The following ZDHHC15 variants were observed in gnomAD, a reference collection of about 807,000 sequenced individuals.
The protein encoded by ZDHHC15 is zDHHC palmitoyltransferase 15.
Under a neutral mutation model 31.7 loss-of-function variants are expected in ZDHHC15, and 19 were observed. The ratio of observed to expected loss-of-function variants is 0.60; its 90% CI spans 0.42 to 0.88. The LOEUF is 0.88. Ranked by LOEUF, ZDHHC15 falls within the 40% of genes least tolerant of loss-of-function variation. The pLI, the probability that ZDHHC15 is intolerant of heterozygous loss-of-function variation, is 0.00. For missense variants in ZDHHC15, 209 were observed against 251.2 expected, an observed-to-expected ratio of 0.83 and a Z score of 1.14; for synonymous variants, 103 against 90.0, an observed-to-expected ratio of 1.14 and a Z score of -0.82.
chrX:75,521,512 G>A (rs764956374), intron 1 of ZDHHC15, among the ~76,000 whole-genome samples: 2 of 110,902 alleles, frequency 1.8e-5, no homozygotes, highest in Non-Finnish European at 3.8e-5. Context: ...GAGAGACTTG[G>A]GGTTTGTGTC....
intron 11 of ZDHHC15, among the ~76,000 whole-genome samples, chrX:75,377,593 T>C (rs980420208): frequency 2.7e-5 from 3 of 111,102 alleles, no homozygotes; most frequent in African/African-American, 9.8e-5. Flanking sequence ...GTAAAAGGCA[T>C]AAGGCATTGC....
chrX:75,501,294 C>A (rs2085082946), intron 2 of ZDHHC15, among the ~76,000 whole-genome samples: 1 of 111,315 alleles, frequency 9.0e-6, no homozygotes, highest in Non-Finnish European at 1.9e-5. Context: ...TCATTCTTTT[C>A]TATAGCTGCA....
intron 10 of ZDHHC15, among the ~76,000 whole-genome samples, chrX:75,381,885 C>T (rs1017852599): frequency 9.0e-6 from 1 of 111,392 alleles, no homozygotes; most frequent in Non-Finnish European, 1.9e-5. Flanking sequence ...AATGCTAATT[C>T]CTTCTTCCTC....
intron 1 of ZDHHC15, among the ~76,000 whole-genome samples, chrX:75,508,483 T>C (rs2148053500): frequency 9.1e-6 from 1 of 109,394 alleles, no homozygotes; most frequent in Admixed American, 9.8e-5. Flanking sequence ...GAACTCATCC[T>C]TTTTTATGGC....
rs1189440779 is a variant in ZDHHC15, at chrX:75,437,095, A to G, written c.380-5575T>C. On this transcript the variant is annotated intron_variant, in intron 4 of 11. Coordinates refer to ENST00000373367, the MANE Select transcript of ZDHHC15 (RefSeq NM_144969.3). Reference sequence around the variant, plus strand: ...ATGGGGTTTCACCGTGTTAGCCAGGATGGTCTTGATCGCCTTACCTCGTGA... The same window carrying G: ...ATGGGGTTTCACCGTGTTAGCCAGGGTGGTCTTGATCGCCTTACCTCGTGA... Among the ~76,000 whole-genome samples, 3 of 109,909 alleles carry G rather than the reference A, an allele frequency of 2.7e-5. No individual in the cohort carries two copies. In the Admixed American group the frequency reaches 2.9e-4, roughly 11 times the overall value.
Position 75,462,806 on chromosome X carries a change from C to A in ZDHHC15, c.259-11884G>T, listed in dbSNP as rs187237572. ...GGAAATTTATAGCACTAAATCCCCACACCAAAAAGCTAGAAAGATCTCAAA... is the reference window on the plus strand; with the variant it reads ...GGAAATTTATAGCACTAAATCCCCAAACCAAAAAGCTAGAAAGATCTCAAA... On this transcript the variant is annotated intron_variant, in intron 3 of 11. Transcript: ENST00000373367. Among the ~76,000 whole-genome samples the A allele has an allele frequency of 2.7e-5, 3 of 111,137 alleles. No individual in the cohort carries two copies. The Admixed American group carries it at 2.9e-4, about 11-fold the overall frequency.
chrX:75,441,394 G>T (rs1029234096), intron 4 of ZDHHC15, among the ~76,000 whole-genome samples: 28 of 110,729 alleles, frequency 2.5e-4, no homozygotes, highest in African/African-American at 8.5e-4. Context: ...TATTTCTCTC[G>T]GCTCTCCAAA....
chrX:75,423,096 T>C (rs1165732268), intron 8 of ZDHHC15, among the ~76,000 whole-genome samples: 1 of 107,491 alleles, frequency 9.3e-6, no homozygotes, highest in Admixed American at 1.0e-4. Context: ...TACCGCAGCC[T>C]TAAACTCCTG....
intron 5 of ZDHHC15, 151 bp from the exon 6 acceptor site, chrX:75,430,131 C>T (rs1401674462): frequency 1.8e-6 from 1 of 552,278 alleles, no homozygotes; most frequent in Non-Finnish European, 2.8e-6. Flanking sequence ...AAACTGTGGC[C>T]CTCAGTTATT....
chrX:75,431,522 T>A lies in ZDHHC15; in HGVS notation c.380-2A>T, dbSNP rs1393337392. 1 of 1,200,822 alleles carries A rather than the reference T, an allele frequency of 8.3e-7. No individual in the cohort carries two copies. Among genetic ancestry groups the A allele is most frequent in the Non-Finnish European group, 1.1e-6 (1 of 890,629 alleles). On this transcript the variant is annotated splice_acceptor_variant, in intron 4 of 11. Coordinates refer to ENST00000373367, the MANE Select transcript of ZDHHC15 (RefSeq NM_144969.3). LOFTEE classifies it high-confidence loss of function. ...GACACCGGTCACAGAATCGTACAGC[T>A]ATAAAAAAAAAAATAAGGTGGTTAG...
intron 3 of ZDHHC15, among the ~76,000 whole-genome samples, chrX:75,466,886 C>T (rs1338711919): frequency 1.4e-5 from 1 of 72,322 alleles, no homozygotes; most frequent in Non-Finnish European, 2.5e-5. Flanking sequence ...CACACTGGGG[C>T]CTGTTAGGGG....
intron 2 of ZDHHC15, among the ~76,000 whole-genome samples, chrX:75,502,787 A>C (rs1047930822): frequency 4.0e-4 from 45 of 111,175 alleles, no homozygotes; most frequent in African/African-American, 1.4e-3. Flanking sequence ...TGATCTTCAA[A>C]ATATGGATAG....
intron 3 of ZDHHC15, among the ~76,000 whole-genome samples, chrX:75,468,287 C>T (rs1259929114): frequency 7.2e-5 from 8 of 111,038 alleles, no homozygotes; most frequent in East Asian, 2.8e-4. Context: ...TCAGGTGATC[C>T]GCCTGCCTCG....
intron 1 of ZDHHC15, among the ~76,000 whole-genome samples, chrX:75,517,622 G>A (rs1290652188): frequency 1.9e-5 from 2 of 106,066 alleles, no homozygotes; most frequent in African/African-American, 6.9e-5. Flanking sequence ...AGCATTAGGA[G>A]AAATACCTAA....
intron 10 of ZDHHC15, among the ~76,000 whole-genome samples, chrX:75,392,083 G>T (rs2083250564): frequency 8.9e-6 from 1 of 112,153 alleles, no homozygotes; most frequent in Non-Finnish European, 1.9e-5. Flanking sequence ...ATTAGTCAGG[G>T]TTCCCTAGAG....
At chrX:75,493,934 G>A in intron 2 of ZDHHC15, among the ~76,000 whole-genome samples, 1 of 111,443 alleles carries the variant, frequency 9.0e-6, no homozygotes, top group East Asian at 2.8e-4. Context: ...TCTGGCCAGG[G>A]CAATAAGGCA....
intron 4 of ZDHHC15, among the ~76,000 whole-genome samples, chrX:75,444,661 TATATATATATATATATATATATATATAC>T (rs1448422485): frequency 8.0e-5 from 6 of 75,463 alleles, no homozygotes; most frequent in African/African-American, 3.5e-4. Context: ...TATATATATA[TATATATATATATATATATATATATATAC>T]ACACACACAC....
chrX:75,474,613 T>TCACACAC (rs2084569499), intron 3 of ZDHHC15, among the ~76,000 whole-genome samples: 19 of 80,478 alleles, frequency 2.4e-4, no homozygotes, highest in Non-Finnish European at 4.7e-4. Context: ...CACACACAGT[T>TCACACAC]AGTTCTGTCC....
intron 2 of ZDHHC15, among the ~76,000 whole-genome samples, chrX:75,495,345 A>G (rs1372301773): frequency 3.6e-5 from 4 of 111,829 alleles, no homozygotes; most frequent in Non-Finnish European, 7.5e-5. Context: ...ACTGTAAACT[A>G]GTTCACCCAT....
Sources: allele counts gnomAD v4.1 joint callset (sites outside exome capture counted in the v4.1 genomes callset), GRCh38; gene constraint gnomAD v4.1.1; transcripts MANE v1.5; gene names NCBI Gene and HGNC (gene_info 2026-07-23, HGNC 2026-07-21).